Variants in AFG2A observed in about 807,000 individuals in gnomAD.
AFG2A encodes ATPase family gene 2 protein homolog A.
chr4:123,317,240 A>AC, the AFG2A span: 1 of 151,930 alleles, frequency 6.6e-6, no homozygotes, highest in Admixed American at 6.6e-5. Flanking sequence ...AAAAAAAAAA[A>AC]AAACCTCTGA....
the AFG2A span, among the ~76,000 whole-genome samples, chr4:123,031,576 TTTTGAAATAACAAATCTTA>T: frequency 6.6e-6 from 1 of 152,178 alleles, no homozygotes; most frequent in South Asian, 2.1e-4. Context: ...TAGTTTGAAA[TTTTGAAATAACAAATCTTA>T]CACATTTTGA....
At chr4:123,294,039 C>T in the AFG2A span, among the ~76,000 whole-genome samples, 9 of 152,166 alleles carry the variant, frequency 5.9e-5, no homozygotes, top group South Asian at 2.1e-4. Flanking sequence ...ATTGGTCACC[C>T]GTGTCTCTTA....
chr4:122,944,824 T>C, the AFG2A span, among the ~76,000 whole-genome samples: 1 of 152,194 alleles, frequency 6.6e-6, no homozygotes, highest in African/African-American at 2.4e-5. Context: ...GGTGTGGATG[T>C]CCTTTCTGTT....
the AFG2A span, among the ~76,000 whole-genome samples, chr4:122,952,816 G>A: frequency 2.0e-5 from 3 of 152,202 alleles, no homozygotes; most frequent in Admixed American, 1.3e-4. Context: ...CGGCAATGGG[G>A]ATGCTGAAGA....
chr4:123,247,814 G>A, the AFG2A span, among the ~76,000 whole-genome samples: 1 of 152,110 alleles, frequency 6.6e-6, no homozygotes, highest in Non-Finnish European at 1.5e-5. Flanking sequence ...TTAGGTAAAT[G>A]TTTCTGGTTT....
the AFG2A span, among the ~76,000 whole-genome samples, chr4:122,987,803 A>AT: frequency 9.2e-5 from 14 of 151,460 alleles, no homozygotes; most frequent in African/African-American, 1.5e-4. Context: ...GCTATTTGTA[A>AT]TTTTTTTTTA....
At chr4:122,981,759 TA>T in the AFG2A span, among the ~76,000 whole-genome samples, 1 of 152,086 alleles carries the variant, frequency 6.6e-6, no homozygotes, top group Non-Finnish European at 1.5e-5. Flanking sequence ...TCGGTATATT[TA>T]AAAAATACTA....
chr4:123,062,312 A>G, the AFG2A span, among the ~76,000 whole-genome samples: 1 of 152,326 alleles, frequency 6.6e-6, no homozygotes, highest in East Asian at 1.9e-4. Context: ...ATAAACCTGG[A>G]TGATGTAGCC....
chr4:122,939,877 C>T, the AFG2A span, among the ~76,000 whole-genome samples: 1 of 152,086 alleles, frequency 6.6e-6, no homozygotes, highest in African/African-American at 2.4e-5. Context: ...TGAGAACATG[C>T]AGTGTTTGGT....
At chr4:123,069,945 G>A in the AFG2A span, among the ~76,000 whole-genome samples, 1 of 152,144 alleles carries the variant, frequency 6.6e-6, no homozygotes, top group Non-Finnish European at 1.5e-5. Flanking sequence ...AGTTATGAAG[G>A]ATTTCAGAGG....
the AFG2A span, among the ~76,000 whole-genome samples, chr4:123,288,407 A>G: frequency 6.6e-6 from 1 of 152,310 alleles, no homozygotes; most frequent in East Asian, 1.9e-4. Flanking sequence ...GGCAGCACAG[A>G]TACTTCATCT....
the AFG2A span, among the ~76,000 whole-genome samples, chr4:123,032,453 C>T: frequency 1.3e-5 from 2 of 152,130 alleles, no homozygotes; most frequent in East Asian, 1.9e-4. Flanking sequence ...AATGCAGTGG[C>T]GCGATCTCGG....
the AFG2A span, among the ~76,000 whole-genome samples, chr4:123,040,063 C>T: frequency 6.6e-6 from 1 of 151,120 alleles, no homozygotes; most frequent in Non-Finnish European, 1.5e-5. Flanking sequence ...AAACAGTGCT[C>T]AGTAATATTC....
chr4:123,167,530 G>A, the AFG2A span, among the ~76,000 whole-genome samples: 1 of 151,950 alleles, frequency 6.6e-6, no homozygotes, highest in African/African-American at 2.4e-5. Flanking sequence ...TGTATTTTTA[G>A]TAGAGACGGG....
the AFG2A span, among the ~76,000 whole-genome samples, chr4:123,043,515 T>C: frequency 6.6e-6 from 1 of 152,214 alleles, no homozygotes; most frequent in Non-Finnish European, 1.5e-5. Context: ...ATATAAACTT[T>C]ATTTCTCAAC....
the AFG2A span, among the ~76,000 whole-genome samples, chr4:123,216,244 T>C: frequency 1.3e-5 from 2 of 152,190 alleles, no homozygotes; most frequent in South Asian, 2.1e-4. Flanking sequence ...CATATTATGC[T>C]TTTTTAAACG....
At chr4:123,195,299 T>C in the AFG2A span, among the ~76,000 whole-genome samples, 1 of 152,236 alleles carries the variant, frequency 6.6e-6, no homozygotes, top group Non-Finnish European at 1.5e-5. Flanking sequence ...CAGAATTATG[T>C]TGAAGCTAAT....
At chr4:123,313,385 A>G in the AFG2A span, among the ~76,000 whole-genome samples, 1 of 152,232 alleles carries the variant, frequency 6.6e-6, no homozygotes, top group Non-Finnish European at 1.5e-5. Flanking sequence ...ATGCTTTTAC[A>G]TGTTGGTAAT....
At chr4:123,278,742 T>C in the AFG2A span, among the ~76,000 whole-genome samples, 1 of 152,316 alleles carries the variant, frequency 6.6e-6, no homozygotes, top group South Asian at 2.1e-4. Context: ...GGTTGTTTAA[T>C]TTCCATCTAA....
Sources: gnomAD v4.1 joint callset for allele counts (sites outside exome capture counted in the v4.1 genomes callset) on GRCh38, gnomAD v4.1.1 for gene constraint, MANE v1.5 for transcripts, NCBI Gene and HGNC (gene_info 2026-07-23, HGNC 2026-07-21) for gene names.